SIN3A: variants seen among roughly 807,000 people sequenced by gnomAD.
The protein encoded by SIN3A is SIN3 transcription regulator family member A, also known as paired amphipathic helix protein Sin3a.
In SIN3A, 14 loss-of-function variants were observed where a neutral mutation model predicts 146.1. The ratio of observed to expected loss-of-function variants is 0.10; its 90% CI spans 0.06 to 0.15. SIN3A has a LOEUF of 0.15. Among genes scored for constraint, SIN3A ranks in the 10% least tolerant of loss-of-function variants. The pLI is 1.00. For missense variants in SIN3A, 1,028 were observed against 1,576.0 expected (o/e 0.65, Z 5.89); for synonymous variants, 572 against 572.0 (o/e 1.00, Z 0.00).
chr15:75,412,340 A>G (rs1018511016), intron 5 of SIN3A, among the ~76,000 whole-genome samples: 2 of 152,194 alleles, frequency 1.3e-5, no homozygotes, highest in Non-Finnish European at 2.9e-5. Flanking sequence ...CATCACCATC[A>G]CTATCACTAT....
chr15:75,420,973 G>A (rs1164506163), intron 3 of SIN3A: 1 of 152,156 alleles, frequency 6.6e-6, no homozygotes, highest in Non-Finnish European at 1.5e-5. Flanking sequence ...TTCCTTGCCA[G>A]TTTCCATAAA....
rs2072756339 is a variant in SIN3A at position 75,371,812 on chromosome 15, C to T, written c.*167G>A. On this transcript the variant is annotated 3_prime_UTR_variant, in exon 21 of 21. Transcript: ENST00000394947. ...AGGTATTCATGTTCCTAACAGGTAG[C>T]CCACTTGGTGCCAGGCTGCACCAGC... The T allele has an allele frequency of 1.6e-6, 1 of 620,302 alleles. No individual in the cohort carries two copies. Among genetic ancestry groups the T allele is most frequent in the Admixed American group, 3.0e-5 (1 of 33,294 alleles). The allele number at this position is 620,302 out of a possible 1,614,324, so 38.4% of individuals were successfully genotyped here.
In SIN3A at chr15:75,392,479, C is replaced by T. The variant is rs1333310272; in HGVS notation, c.2614G>A (p.Ala872Thr). 2 of 1,614,076 alleles carry T rather than the reference C, an allele frequency of 1.2e-6. No individual in the cohort carries two copies. Among genetic ancestry groups the T allele is most frequent in the African/African-American group, 1.3e-5 (1 of 74,936 alleles). Residue 872 changes from alanine (A) to threonine (T), a missense_variant, in exon 15 of 21, where the codon GCA (alanine) becomes ACA (threonine). By Grantham distance (58) the Ala-to-Thr change is moderately conservative. Around this residue, in one of 9 missense-constraint regions of SIN3A, gnomAD observed 488 missense variants for 690.2 expected, o/e 0.71. Coordinates refer to ENST00000394947, the MANE Select transcript of SIN3A (RefSeq NM_001145358.2). ...PKSKLLFSNT[A>T]AQKLRGMDEV... is the part of the protein sequence containing the mutation. Reference sequence around the variant, plus strand: ...TCCATTCCTCTTAATTTTTGAGCTGCTGTGTTACTAAACAGTAACTTGGAC... The same window carrying T: ...TCCATTCCTCTTAATTTTTGAGCTGTTGTGTTACTAAACAGTAACTTGGAC...
In SIN3A at chr15:75,436,091, G is replaced by A. The variant is rs548518470; in HGVS notation, c.-33-5683C>T. ...CAAGGTTGTAGTGAGCAGTGATAAC[G>A]TCACTGCACTCCGGCCTGGGCAACA... On this transcript the variant is annotated intron_variant, in intron 1 of 20. Coordinates refer to ENST00000394947, the MANE Select transcript of SIN3A (RefSeq NM_001145358.2). 1.2e-4 allele frequency among the ~76,000 whole-genome samples: 18 copies of A among 151,240 alleles called. No individual in the cohort carries two copies. The South Asian group carries it at 3.1e-3, about 26-fold the overall frequency.
intron 16 of SIN3A, among the ~76,000 whole-genome samples, chr15:75,385,214 G>C (rs543936748): frequency 1.1e-4 from 16 of 152,244 alleles, no homozygotes; most frequent in African/African-American, 3.9e-4. Flanking sequence ...ATATTCCCAG[G>C]CCAACTACAA....
chr15:75,376,694 CA>C (rs34480581), intron 19 of SIN3A, among the ~76,000 whole-genome samples: 84,113 of 141,782 alleles, frequency 0.59, 24,286 homozygotes, highest in African/African-American at 0.72. Flanking sequence ...CCCTTCTCTA[CA>C]AAAAAAAAAA....
intron 3 of SIN3A, chr15:75,422,359 A>G: frequency 1.7e-6 from 1 of 600,312 alleles, no homozygotes; most frequent in South Asian, 2.1e-5. Flanking sequence ...CAGCCAAAAA[A>G]TGAATTTTAA....
At chr15:75,373,913 G>A (rs1449332747) in intron 20 of SIN3A, among the ~76,000 whole-genome samples, 1 of 152,152 alleles carries the variant, frequency 6.6e-6, no homozygotes, top group Non-Finnish European at 1.5e-5. Context: ...CTGTGCAGGG[G>A]CCAGTGCCCC....
At chr15:75,450,222 T>C (rs1277481549) in intron 1 of SIN3A, among the ~76,000 whole-genome samples, 1 of 152,098 alleles carries the variant, frequency 6.6e-6, no homozygotes, top group Non-Finnish European at 1.5e-5. Flanking sequence ...AGACCAGTTT[T>C]GAGATTAAAA....
intron 6 of SIN3A, 37 bp from the exon 7 acceptor site, chr15:75,410,323 A>G: frequency 6.2e-7 from 1 of 1,603,566 alleles, no homozygotes. Context: ...CATTTGGGCT[A>G]CTGTTTTGAG....
intron 10 of SIN3A, among the ~76,000 whole-genome samples, chr15:75,401,350 A>C (rs976715285): frequency 1.3e-5 from 2 of 152,010 alleles, no homozygotes; most frequent in African/African-American, 4.8e-5. Context: ...CAACATGGTA[A>C]AACACCGTCT....
At chr15:75,412,335 C>T (rs202137548) in intron 5 of SIN3A, among the ~76,000 whole-genome samples, 2 of 152,322 alleles carry the variant, frequency 1.3e-5, no homozygotes, top group East Asian at 3.9e-4. Flanking sequence ...ATCTTCATCA[C>T]CATCACTATC....
rs897266846 is a variant in SIN3A, at chr15:75,370,764, G to A, written c.*1215C>T. 3.3e-5 allele frequency: 5 copies of A among 152,102 alleles called. No homozygotes were observed. The highest frequency in any genetic ancestry group is 1.9e-4 in the East Asian group (1 of 5,184). The allele number at this position is 152,102 out of a possible 1,614,324, so 9.4% of individuals were successfully genotyped here. On this transcript the variant is annotated 3_prime_UTR_variant, in exon 21 of 21. Transcript: ENST00000394947. ...TTATTTGAACAAGGGAAAAAAACAC[G>A]TACTAAAAGACTTAAGTATTCTAAG...
chr15:75,425,358 A>G (rs2073907575), intron 2 of SIN3A, among the ~76,000 whole-genome samples: 1 of 152,144 alleles, frequency 6.6e-6, no homozygotes, highest in Admixed American at 6.6e-5. Flanking sequence ...TTTAGTAGAG[A>G]CAGGGTTTCA....
chr15:75,425,943 G>A (rs1567393974), intron 2 of SIN3A, among the ~76,000 whole-genome samples: 1 of 152,154 alleles, frequency 6.6e-6, no homozygotes, highest in Non-Finnish European at 1.5e-5. Context: ...TAAATCCACA[G>A]AAACAAAACA....
At chr15:75,439,138 G>A (rs1236163499) in intron 1 of SIN3A, among the ~76,000 whole-genome samples, 1 of 152,134 alleles carries the variant, frequency 6.6e-6, no homozygotes, top group African/African-American at 2.4e-5. Flanking sequence ...AAGGGCACAT[G>A]TAGTAATGAT....
chr15:75,394,730 C>A lies in SIN3A; in HGVS notation c.2227G>T (p.Val743Phe), dbSNP rs117122434. Residue 743 changes from valine to phenylalanine, a missense_variant, in exon 14 of 21, where the codon GTC (valine) becomes TTC (phenylalanine). Physicochemically the swap from Val to Phe is conservative, Grantham distance 50. Around this residue, in one of 9 missense-constraint regions of SIN3A, gnomAD observed 488 missense variants for 690.2 expected, o/e 0.71. Transcript: ENST00000394947. ...TTGAGTAAGCTCTTAGACCTCAGGA[C>A]CTTGGTGTCATTCTGTTTAAAGTTG... ...GINFKQNDTK[V>F]LRSKSLLNEI... 6.2e-7 allele frequency: 1 copy of A among 1,614,056 alleles called. No individual in the cohort carries two copies. Among genetic ancestry groups the A allele is most frequent in the Non-Finnish European group, 8.5e-7 (1 of 1,179,966 alleles).
intron 9 of SIN3A, among the ~76,000 whole-genome samples, chr15:75,405,227 C>G (rs1344077579): frequency 6.6e-6 from 1 of 151,164 alleles, no homozygotes; most frequent in South Asian, 2.1e-4. Context: ...ATTAGCCAGG[C>G]GTTGTGGCGG....
intron 16 of SIN3A, among the ~76,000 whole-genome samples, chr15:75,386,847 C>T (rs2073093340): frequency 6.6e-6 from 1 of 152,200 alleles, no homozygotes; most frequent in South Asian, 2.1e-4. Flanking sequence ...AATGGCTTCA[C>T]TTGGCTGGAA....
Sources: allele counts gnomAD v4.1 joint callset (sites outside exome capture counted in the v4.1 genomes callset), GRCh38; gene constraint gnomAD v4.1.1; regional missense constraint gnomAD v4.1.1; transcripts MANE v1.5; gene names NCBI Gene and HGNC (gene_info 2026-07-23, HGNC 2026-07-21).